The following RCAN1 variants were observed in gnomAD, a reference collection of about 807,000 sequenced individuals.
RCAN1 encodes regulator of calcineurin 1.
In RCAN1, 11 loss-of-function variants were observed where a neutral mutation model predicts 22.9. That is an observed-to-expected ratio of 0.48 (90% confidence interval 0.30 to 0.79). The LOEUF is 0.79. RCAN1 is among the 30% of genes least tolerant of loss of function. RCAN1 has a pLI of 0.06. For missense variants in RCAN1, 291 were observed against 337.8 expected, an observed-to-expected ratio of 0.86 and a Z score of 1.09; for synonymous variants, 136 against 142.3, an observed-to-expected ratio of 0.96 and a Z score of 0.32.
In RCAN1 at chr21:34,517,886, G is replaced by T; in HGVS notation, c.*198C>A. 1.6e-6 allele frequency: 1 copy of T among 616,450 alleles called. No homozygotes were observed. The highest frequency in any genetic ancestry group is 2.8e-6 in the Non-Finnish European group (1 of 353,880). 38.2% of individuals were successfully genotyped at this position (616,450 alleles called of 1,614,324 possible). A position where few individuals can be genotyped will look rare whatever the true frequency, so the allele number is the denominator to read the frequency against. On this transcript the variant is annotated 3_prime_UTR_variant, in exon 4 of 4. Transcript: ENST00000313806. Reference sequence around the variant, plus strand: ...TCAGTGATTGGCCCAAGTCATTCCCGGGTGCCATGAACAGTAACTGGTGTG... The same window carrying T: ...TCAGTGATTGGCCCAAGTCATTCCCTGGTGCCATGAACAGTAACTGGTGTG...
rs1601194846 is a variant in RCAN1, at chr21:34,579,597, A to T, written c.252+35163T>A. Among the ~76,000 whole-genome samples the T allele has an allele frequency of 2.0e-5, 3 of 152,326 alleles. No individual in the cohort carries two copies. In the East Asian group the frequency reaches 5.8e-4, roughly 29 times the overall value. ...GTATGACTCAATGCATGTATGTGAC[A>T]AATGTTCATGACCAATTCAACAACC... On this transcript the variant is annotated intron_variant, in intron 1 of 3. Coordinates refer to ENST00000313806, the MANE Select transcript of RCAN1 (RefSeq NM_004414.7).
At chr21:34,573,098 A>C (rs1290615325) in intron 1 of RCAN1, among the ~76,000 whole-genome samples, 2 of 152,218 alleles carry the variant, frequency 1.3e-5, no homozygotes, top group Non-Finnish European at 2.9e-5. Flanking sequence ...TTCTGCATGC[A>C]AGATGAAATT....
At chr21:34,548,214 C>T (rs550219664) in intron 1 of RCAN1, among the ~76,000 whole-genome samples, 15 of 152,310 alleles carry the variant, frequency 9.8e-5, no homozygotes, top group Admixed American at 2.0e-4. Context: ...GCCTATAGAT[C>T]CTATGTTCTT....
At chr21:34,573,525 T>C (rs564532445) in intron 1 of RCAN1, among the ~76,000 whole-genome samples, 2 of 152,184 alleles carry the variant, frequency 1.3e-5, no homozygotes, top group Non-Finnish European at 2.9e-5. Context: ...TTCAAGGCTC[T>C]GGGTCAAACT....
At chr21:34,577,250 C>A (rs551584507) in intron 1 of RCAN1, among the ~76,000 whole-genome samples, 1 of 152,156 alleles carries the variant, frequency 6.6e-6, no homozygotes, top group Non-Finnish European at 1.5e-5. Context: ...CAGATAAGTA[C>A]TGAAGAGTAT....
chr21:34,563,636 C>T (rs1480440274), intron 1 of RCAN1, among the ~76,000 whole-genome samples: 3 of 151,208 alleles, frequency 2.0e-5, no homozygotes, highest in Non-Finnish European at 4.4e-5. Context: ...TGGCCAGGCA[C>T]GGTGGCTCAT....
At chr21:34,520,572 C>T (rs949988030) in intron 3 of RCAN1, among the ~76,000 whole-genome samples, 6 of 152,102 alleles carry the variant, frequency 3.9e-5, no homozygotes, top group African/African-American at 1.4e-4. Context: ...AACCCTCAAC[C>T]CAAGGGAACA....
intron 1 of RCAN1, among the ~76,000 whole-genome samples, chr21:34,539,809 T>G (rs1344608466): frequency 6.6e-6 from 1 of 152,248 alleles, no homozygotes; most frequent in Non-Finnish European, 1.5e-5. Flanking sequence ...AAGAATCCTA[T>G]TTCATACCTA....
chr21:34,574,578 G>A (rs148898426), intron 1 of RCAN1, among the ~76,000 whole-genome samples: 1 of 152,284 alleles, frequency 6.6e-6, no homozygotes, highest in East Asian at 1.9e-4. Flanking sequence ...TAGAATGTTT[G>A]TCATAACTGA....
At chr21:34,526,968 C>A in intron 1 of RCAN1, 1 of 1,354,928 alleles carries the variant, frequency 7.4e-7, no homozygotes, top group Admixed American at 3.9e-5. Flanking sequence ...CAGACAGGGA[C>A]AAAGTGTAAG....
chr21:34,544,184 G>A (rs1050878881), intron 1 of RCAN1, among the ~76,000 whole-genome samples: 1 of 152,238 alleles, frequency 6.6e-6, no homozygotes, highest in Admixed American at 6.5e-5. Flanking sequence ...GACAAGCTTT[G>A]CATGATCCCG....
rs1984260515 is a variant in RCAN1 at position 34,518,956 on chromosome 21, C to T, written c.587-700G>A. Among the ~76,000 whole-genome samples the T allele has an allele frequency of 6.6e-6, 1 of 152,190 alleles. No homozygotes were observed. Among genetic ancestry groups the T allele is most frequent in the South Asian group, 2.1e-4 (1 of 4,828 alleles). ...AACCCGGCAATGTAGAATGAAGGGA[C>T]TGGGGCCTCCCGCTGGGGTGCCGCT... On this transcript the variant is annotated intron_variant, in intron 3 of 3. Coordinates refer to ENST00000313806, the MANE Select transcript of RCAN1 (RefSeq NM_004414.7). This position sits in a 1 kb window ranked among gnomAD's most constrained non-coding sequence, Gnocchi z 4.2.
intron 1 of RCAN1, among the ~76,000 whole-genome samples, chr21:34,540,938 T>A (rs1985887524): frequency 6.6e-6 from 1 of 151,718 alleles, no homozygotes; most frequent in Non-Finnish European, 1.5e-5. Flanking sequence ...TGAGCCGAGA[T>A]CGCACCACTG....
intron 1 of RCAN1, among the ~76,000 whole-genome samples, chr21:34,545,184 C>T (rs928375624): frequency 6.6e-6 from 1 of 152,200 alleles, no homozygotes; most frequent in South Asian, 2.1e-4. Context: ...TCAGTGCCCC[C>T]GCCCCTTGTT....
chr21:34,523,775 A>T, intron 1 of RCAN1, 65 bp from the exon 2 acceptor site: 1 of 1,308,080 alleles, frequency 7.6e-7, no homozygotes, highest in Non-Finnish European at 1.1e-6. Flanking sequence ...TGACTAGATG[A>T]TGTCATTACT....
intron 1 of RCAN1, among the ~76,000 whole-genome samples, chr21:34,535,308 A>C (rs1985618564): frequency 6.6e-6 from 1 of 152,168 alleles, no homozygotes; most frequent in African/African-American, 2.4e-5. Context: ...GCAATCAGGA[A>C]ATGGGCTCAG....
intron 1 of RCAN1, among the ~76,000 whole-genome samples, chr21:34,538,684 C>G (rs182604749): frequency 1.3e-5 from 2 of 152,132 alleles, no homozygotes; most frequent in African/African-American, 2.4e-5. Flanking sequence ...ATGAGACGAC[C>G]CTTATCGGAG....
At chr21:34,606,729 A>G (rs1299071796) in intron 1 of RCAN1, among the ~76,000 whole-genome samples, 1 of 152,144 alleles carries the variant, frequency 6.6e-6, no homozygotes, top group Admixed American at 6.5e-5. Context: ...AAGAAGAGAC[A>G]CCAGAGAGCT....
chr21:34,567,473 TGAACCCAGGAGGCGGAGGTTGCA>T (rs1281789508), intron 1 of RCAN1, among the ~76,000 whole-genome samples: 1 of 150,750 alleles, frequency 6.6e-6, no homozygotes, highest in Non-Finnish European at 1.5e-5. Flanking sequence ...GAGAATTGCT[TGAACCCAGGAGGCGGAGGTTGCA>T]GTGAGCCGAG....
Sources: gnomAD v4.1 joint callset for allele counts (sites outside exome capture counted in the v4.1 genomes callset) on GRCh38, gnomAD v4.1.1 for gene constraint, Gnocchi (gnomAD v3.1) non-coding constraint, MANE v1.5 for transcripts, NCBI Gene and HGNC (gene_info 2026-07-23, HGNC 2026-07-21) for gene names.